The following URGCP variants were observed in gnomAD, a reference collection of about 807,000 sequenced individuals.
URGCP encodes up-regulator of cell proliferation.
A neutral mutation model predicts 24.6 loss-of-function variants in URGCP; 13 were observed. The observed-to-expected ratio is 0.53, with a 90% CI of 0.34 to 0.84. The LOEUF is 0.84. URGCP is among the 40% of genes least tolerant of loss of function. The pLI is 0.01. For missense variants in URGCP, 899 were observed against 1,194.3 expected, an observed-to-expected ratio of 0.75 and a Z score of 3.64; for synonymous variants, 444 against 487.2, an observed-to-expected ratio of 0.91 and a Z score of 1.17.
chr7:43,885,353 G>A (rs1323113825), intron 3 of URGCP, among the ~76,000 whole-genome samples: 2 of 151,966 alleles, frequency 1.3e-5, no homozygotes, highest in African/African-American at 4.8e-5. Flanking sequence ...TGCCTATCTC[G>A]GCCTCCCAAA....
intron 1 of URGCP, among the ~76,000 whole-genome samples, chr7:43,893,354 G>A (rs1207552512): frequency 6.6e-6 from 1 of 151,900 alleles, no homozygotes; most frequent in Non-Finnish European, 1.5e-5. Flanking sequence ...TTTTTTTAAA[G>A]TAAAATAAAA....
intron 1 of URGCP, among the ~76,000 whole-genome samples, chr7:43,893,165 A>C: frequency 6.6e-6 from 1 of 151,922 alleles, no homozygotes; most frequent in East Asian, 1.9e-4. Flanking sequence ...TCATCTCTCC[A>C]AAAATAATAA....
intron 1 of URGCP, chr7:43,926,072 C>CT (rs2095929763): frequency 6.6e-6 from 1 of 152,316 alleles, no homozygotes; most frequent in South Asian, 2.1e-4. Flanking sequence ...GCACAGACAT[C>CT]TACATGGAAA....
At position 43,876,897 on chromosome 7, in the gene URGCP, C is replaced by T. The variant is rs190662444; in HGVS notation, c.2566G>A (p.Gly856Ser). The stretch of plus-strand genomic sequence containing the variant: ...CCTGCCAGTGCCCGGAAGCCGTCGC[C>T]CTGTTTCTCCATCTGGGCTGCAGCC... Reference protein sequence around the residue: ...SRAAAQMEKQGDGFRALAGLA... With the variant: ...SRAAAQMEKQSDGFRALAGLA... Residue 856 changes from glycine (G) to serine (S), a missense_variant, in exon 6 of 6, where the codon GGC (glycine) becomes AGC (serine). Gly to Ser is a moderately conservative substitution (Grantham distance 56, BLOSUM62 0). Transcript: ENST00000453200. 1.6e-5 allele frequency: 26 copies of T among 1,614,028 alleles called. No homozygotes were observed. In the Admixed American group the frequency reaches 4.3e-4, roughly 27 times the overall value.
intron 1 of URGCP, among the ~76,000 whole-genome samples, chr7:43,896,566 T>A (rs759184737): frequency 4.6e-5 from 7 of 152,126 alleles, no homozygotes; most frequent in Non-Finnish European, 7.3e-5. Context: ...ACATACTTAG[T>A]GTCAAAGAAC....
At chr7:43,920,411 A>C (rs1480343527) in intron 1 of URGCP, among the ~76,000 whole-genome samples, 2 of 152,100 alleles carry the variant, frequency 1.3e-5, no homozygotes, top group Admixed American at 1.3e-4. Flanking sequence ...AATACAAAAA[A>C]AATTAGCTGG....
intron 1 of URGCP, chr7:43,918,678 C>T (rs867049804): frequency 1.5e-6 from 1 of 649,514 alleles, no homozygotes. Context: ...GCGGCTGCAA[C>T]TCTGGTGCCT....
At chr7:43,888,016 T>C (rs1240351291) in intron 1 of URGCP, 200 bp from the exon 2 acceptor site, 3 of 556,250 alleles carry the variant, frequency 5.4e-6, no homozygotes, top group Non-Finnish European at 9.6e-6. Context: ...GTTATATTAA[T>C]TAGTCGGGGG....
chr7:43,899,460 A>G (rs886981126), intron 1 of URGCP, among the ~76,000 whole-genome samples: 5 of 151,856 alleles, frequency 3.3e-5, no homozygotes, highest in African/African-American at 1.2e-4. Flanking sequence ...AAATTAACCT[A>G]TAAGTAAATT....
At chr7:43,909,291 A>C (rs1210168462), upstream of URGCP, among the ~76,000 whole-genome samples, 4 of 152,204 alleles carry the variant, frequency 2.6e-5, no homozygotes, top group East Asian at 7.7e-4. Context: ...ATATACAGAC[A>C]CACAAATATA....
Position 43,903,469 on chromosome 7 carries a change from T to C in URGCP, c.14+3093A>G, listed in dbSNP as rs574316616. Among the ~76,000 whole-genome samples the C allele has an allele frequency of 5.6e-4, 85 of 152,310 alleles. 1 individual carries two copies. Among genetic ancestry groups the C allele is most frequent in the Admixed American group, 2.4e-3 (36 of 15,292 alleles). The stretch of plus-strand genomic sequence containing the variant: ...CTTTTTAAGATTTTAAGATCGGTGG[T>C]CTATGTAAAGCCAATTATACTTGAT... On this transcript the variant is annotated intron_variant, in intron 1 of 5. Transcript: ENST00000453200.
Position 43,877,687 on chromosome 7 carries a change from C to A in URGCP, c.1776G>T (p.Leu592=). 6.2e-7 allele frequency: 1 copy of A among 1,613,960 alleles called. No homozygotes were observed. The highest frequency in any genetic ancestry group is 8.5e-7 in the Non-Finnish European group (1 of 1,179,980). Residue 592 remains leucine (L), a synonymous_variant, in exon 6 of 6, where the codon CTG becomes CTT. Coordinates refer to ENST00000453200, the MANE Select transcript of URGCP (RefSeq NM_001077663.3). ...CTGTGGTGCCCCCATGCTTTGGTCT[C>A]AGGGTGAGAAGCGTCTCCGGAGGCT... ...LRQPPETLLT[L]RPKHGGTTDV...
chr7:43,903,847 G>A (rs2095896101), intron 1 of URGCP, among the ~76,000 whole-genome samples: 1 of 152,176 alleles, frequency 6.6e-6, no homozygotes, highest in African/African-American at 2.4e-5. Flanking sequence ...TGACCATGCA[G>A]AGAACATGTG....
rs770429657 is a variant in URGCP at position 43,878,550 on chromosome 7, G to A, written c.913C>T (p.Arg305Trp). 3 of 1,614,202 alleles carry A rather than the reference G, an allele frequency of 1.9e-6. No homozygotes were observed. The highest frequency in any genetic ancestry group is 2.5e-6 in the Non-Finnish European group (3 of 1,180,038). ...TCTACCAACCCATCCGAAATCTCCC[G>A]GGCATTGGTGCCCAAGTTGAGGTCC... ...HRDLNLGTNA[R>W]EISDGLVEIS... The change falls in exon 6 of 6, where the codon CGG becomes TGG. Residue 305 changes from arginine to tryptophan, a missense_variant. Transcript: ENST00000453200. The surrounding 1 kb of genome is among the most constrained non-coding windows in gnomAD (Gnocchi z 5.6).
Position 43,877,705 on chromosome 7 carries a change from C to T in URGCP, c.1758G>A (p.Pro586=), listed in dbSNP as rs201721073. 1.1e-5 allele frequency: 17 copies of T among 1,613,402 alleles called. No individual in the cohort carries two copies. In the Admixed American group the frequency reaches 1.7e-4, roughly 16 times the overall value. The change falls in exon 6 of 6, where the codon CCG becomes CCA. Residue 586 remains proline, a synonymous_variant. Transcript: ENST00000453200. ...TTGGTCTCAGGGTGAGAAGCGTCTC[C>T]GGAGGCTGTCTCAGTCGCGGCTGGG... ...RVAQPRLRQP[P]ETLLTLRPKH... is the part of the protein sequence containing the mutation.
chr7:43,883,454 G>A (rs544467535), intron 3 of URGCP, among the ~76,000 whole-genome samples: 1 of 148,182 alleles, frequency 6.7e-6, no homozygotes, highest in South Asian at 2.1e-4. Flanking sequence ...TCTGCCTCCC[G>A]GATTCATGCC....
chr7:43,878,540 G>A lies in URGCP; in HGVS notation c.923C>T (p.Ser308Leu), dbSNP rs2095848972. ...CCAGGAAATTTCTACCAACCCATCC[G>A]AAATCTCCCGGGCATTGGTGCCCAA... ...LNLGTNAREI[S>L]DGLVEISWFF... Residue 308 changes from serine (S) to leucine (L), a missense_variant, in exon 6 of 6, where the codon TCG (serine) becomes TTG (leucine). Physicochemically the swap from Ser to Leu is moderately radical, Grantham distance 145. Coordinates refer to ENST00000453200, the MANE Select transcript of URGCP (RefSeq NM_001077663.3). This position sits in a 1 kb window ranked among gnomAD's most constrained non-coding sequence, Gnocchi z 5.6. 5 of 1,614,068 alleles carry A rather than the reference G, an allele frequency of 3.1e-6. No homozygotes were observed. Among genetic ancestry groups the A allele is most frequent in the Non-Finnish European group, 3.4e-6 (4 of 1,180,046 alleles).
In URGCP at chr7:43,876,869, A is replaced by G. The variant is rs1397547193; in HGVS notation, c.2594T>C (p.Leu865Pro). 6.2e-7 allele frequency: 1 copy of G among 1,614,044 alleles called. No individual in the cohort carries two copies. Among genetic ancestry groups the G allele is most frequent in the South Asian group, 1.1e-5 (1 of 91,090 alleles). Residue 865 changes from leucine (L) to proline (P), a missense_variant, in exon 6 of 6, where the codon CTG (leucine) becomes CCG (proline). Transcript: ENST00000453200. Reference protein sequence around the residue: ...QGDGFRALAGLAFCDPEKQHI... With the variant: ...QGDGFRALAGPAFCDPEKQHI... ...CTGCTTCTCAGGGTCGCAGAAGGCC[A>G]GGCCTGCCAGTGCCCGGAAGCCGTC...
chr7:43,888,289 G>A (rs1295960162), intron 1 of URGCP: 1 of 152,766 alleles, frequency 6.5e-6, no homozygotes, highest in Non-Finnish European at 1.5e-5. Flanking sequence ...ATTACTTGAG[G>A]TCAGGAGTTC....
Sources: gnomAD v4.1 joint callset for allele counts (sites outside exome capture counted in the v4.1 genomes callset) on GRCh38, gnomAD v4.1.1 for gene constraint, Gnocchi (gnomAD v3.1) non-coding constraint, MANE v1.5 for transcripts, NCBI Gene and HGNC (gene_info 2026-07-23, HGNC 2026-07-21) for gene names.